The following SBF2 variants were observed in gnomAD, a reference collection of about 807,000 sequenced individuals.
The protein encoded by SBF2 is SET binding factor 2.
In SBF2, 112 loss-of-function variants were observed where a neutral mutation model predicts 225.2. That is an observed-to-expected ratio of 0.50 (90% CI 0.43 to 0.58). SBF2 has a LOEUF of 0.58. Among genes scored for constraint, SBF2 ranks in the 20% least tolerant of loss-of-function variants. SBF2 has a pLI of 0.00. For missense variants in SBF2, 1,996 were observed against 2,206.2 expected (o/e 0.90, Z 1.91); for synonymous variants, 763 against 773.3 (o/e 0.99, Z 0.22).
At chr11:10,223,507 T>C (rs1030846015) in intron 1 of SBF2, among the ~76,000 whole-genome samples, 4 of 143,268 alleles carry the variant, frequency 2.8e-5, no homozygotes, top group Non-Finnish European at 6.1e-5. Flanking sequence ...GGAGAGAAAA[T>C]GCATTTATAG....
At chr11:10,265,582 A>T (rs528045384) in intron 1 of SBF2, among the ~76,000 whole-genome samples, 1 of 152,160 alleles carries the variant, frequency 6.6e-6, no homozygotes, top group African/African-American at 2.4e-5. Context: ...AATATAAAAA[A>T]TCTAGAGAAC....
intron 17 of SBF2, among the ~76,000 whole-genome samples, chr11:9,882,094 C>T (rs770619937): frequency 3.9e-5 from 6 of 152,146 alleles, no homozygotes; most frequent in South Asian, 4.1e-4. Context: ...ACATGCAATT[C>T]GGAAAACAGT....
chr11:9,918,634 G>A (rs1253725053), intron 16 of SBF2, among the ~76,000 whole-genome samples: 1 of 152,198 alleles, frequency 6.6e-6, no homozygotes, highest in African/African-American at 2.4e-5. Flanking sequence ...GCCTTCCAAA[G>A]TGCTGAGATT....
chr11:10,256,010 T>C (rs894716646), intron 1 of SBF2, among the ~76,000 whole-genome samples: 1 of 152,236 alleles, frequency 6.6e-6, no homozygotes, highest in African/African-American at 2.4e-5. Context: ...GTGCTTTACT[T>C]ACAGGGTGTA....
At chr11:10,192,578 T>C (rs530808404) in intron 2 of SBF2, among the ~76,000 whole-genome samples, 1 of 152,288 alleles carries the variant, frequency 6.6e-6, no homozygotes, top group African/African-American at 2.4e-5. Context: ...TGGAAGACAT[T>C]GTTCTAATCA....
chr11:9,876,369 C>A (rs1415374860), intron 17 of SBF2, among the ~76,000 whole-genome samples: 1 of 152,112 alleles, frequency 6.6e-6, no homozygotes, highest in African/African-American at 2.4e-5. Context: ...ATGTTTGTGT[C>A]CCCCTTAAAT....
chr11:9,989,158 T>C (rs1225217573), intron 13 of SBF2, among the ~76,000 whole-genome samples: 3 of 151,992 alleles, frequency 2.0e-5, no homozygotes, highest in East Asian at 1.9e-4. Flanking sequence ...CTGGATGAGA[T>C]AGGAGACTAT....
At chr11:9,889,585 A>G (rs1364099595) in intron 17 of SBF2, among the ~76,000 whole-genome samples, 3 of 152,174 alleles carry the variant, frequency 2.0e-5, no homozygotes, top group Non-Finnish European at 2.9e-5. Flanking sequence ...TTAATTGTAT[A>G]TTATATACTG....
At position 9,847,044 on chromosome 11, in the gene SBF2, G is replaced by A. The variant is rs770720729; in HGVS notation, c.2846C>T (p.Ser949Phe). Residue 949 changes from serine (S) to phenylalanine (F), a missense_variant, in exon 23 of 40, where the codon TCC becomes TTC. By Grantham distance (155) the Ser-to-Phe change is radical (BLOSUM62 -2). Transcript: ENST00000256190. ...TGTAATCTTCTTCTCCTTGGTGATG[G>A]AGGCAATGGGAAAGCTCCGCACAAC... ...QTVVRSFPIA[S>F]ITKEKKITMQ... 1 of 1,613,804 alleles carries A rather than the reference G, an allele frequency of 6.2e-7. No individual in the cohort carries two copies. The highest frequency in any genetic ancestry group is 8.5e-7 in the Non-Finnish European group (1 of 1,179,740).
At chr11:9,980,313 A>G (rs996983757) in intron 13 of SBF2, among the ~76,000 whole-genome samples, 1 of 140,002 alleles carries the variant, frequency 7.1e-6, no homozygotes, top group Non-Finnish European at 1.6e-5. Flanking sequence ...AAAAAAAAAA[A>G]TTTGTAGAGA....
At chr11:9,974,947 C>T (rs780380175) in intron 13 of SBF2, among the ~76,000 whole-genome samples, 9 of 85,454 alleles carry the variant, frequency 1.1e-4, no homozygotes, top group South Asian at 7.7e-4. Context: ...GCAACAACAG[C>T]GAAACTTTGA....
At chr11:10,147,542 A>C (rs1179219218) in intron 2 of SBF2, among the ~76,000 whole-genome samples, 1 of 152,114 alleles carries the variant, frequency 6.6e-6, no homozygotes, top group Non-Finnish European at 1.5e-5. Context: ...AAAGAGGGCA[A>C]CTACAGACAC....
chr11:10,057,359 T>C (rs1299083477), intron 2 of SBF2, among the ~76,000 whole-genome samples: 1 of 152,172 alleles, frequency 6.6e-6, no homozygotes, highest in Non-Finnish European at 1.5e-5. Context: ...CTTGTCACCC[T>C]TGGACTAACA....
chr11:10,177,869 G>C lies in SBF2; in HGVS notation c.141+16033C>G, dbSNP rs1482207693. 4.0e-5 allele frequency among the ~76,000 whole-genome samples: 6 copies of C among 149,448 alleles called. No individual in the cohort carries two copies. In the South Asian group the frequency reaches 8.4e-4, roughly 21 times the overall value. ...TTAAAGTTCATATGGAACCAAAAAA[G>C]AGCCTGCATTGCCAAGACAATCCTA... On this transcript the variant is annotated intron_variant, in intron 2 of 39. Coordinates refer to ENST00000256190, the MANE Select transcript of SBF2 (RefSeq NM_030962.4).
intron 1 of SBF2, among the ~76,000 whole-genome samples, chr11:10,280,769 GA>G (rs1467851070): frequency 3.0e-5 from 4 of 135,180 alleles, no homozygotes; most frequent in Admixed American, 8.9e-5. Flanking sequence ...ATGGGCATGA[GA>G]AAACTTCTAT....
chr11:9,781,774 A>G, intron 38 of SBF2, 136 bp from the exon 39 acceptor site: 1 of 1,000,750 alleles, frequency 1.0e-6, no homozygotes, highest in South Asian at 1.3e-5. Flanking sequence ...TACACAAAAA[A>G]TTAATTAATA....
chr11:10,283,386 T>A (rs1963539727), intron 1 of SBF2, among the ~76,000 whole-genome samples: 1 of 152,224 alleles, frequency 6.6e-6, no homozygotes, highest in Admixed American at 6.5e-5. Flanking sequence ...TATCAATTTT[T>A]ACAATGTCTC....
rs116155110 is a variant in SBF2, at chr11:9,781,366, C to A, written c.5451+141G>T. On this transcript the variant is annotated intron_variant, in intron 39 of 39. Transcript: ENST00000256190. ...GGGGGTCAATAATGCTGAGTTCAAG[C>A]TCTGGAACAATTCCCATAGCCAAGG... The A allele has an allele frequency of 8.2e-4, 895 of 1,096,630 alleles. 7 individuals are homozygous for A. In the African/African-American group the frequency reaches 0.013, roughly 16 times the overall value. The allele number at this position is 1,096,630 out of a possible 1,614,324, so 67.9% of individuals were successfully genotyped here.
intron 6 of SBF2, among the ~76,000 whole-genome samples, chr11:10,006,887 G>A (rs941915580): frequency 6.6e-6 from 1 of 152,208 alleles, no homozygotes; most frequent in South Asian, 2.1e-4. Context: ...ATGGGAATCT[G>A]AGAAAAGGGA....
Sources: gnomAD v4.1 joint callset for allele counts (sites outside exome capture counted in the v4.1 genomes callset) on GRCh38, gnomAD v4.1.1 for gene constraint, MANE v1.5 for transcripts, NCBI Gene and HGNC (gene_info 2026-07-23, HGNC 2026-07-21) for gene names.